ANO9: variants seen among roughly 807,000 people sequenced by gnomAD.
ANO9 encodes the protein anoctamin-9.
Under a neutral mutation model 100.5 loss-of-function variants are expected in ANO9, and 80 were observed. That is an observed-to-expected ratio of 0.80 (90% confidence interval 0.66 to 0.96). The LOEUF (loss-of-function observed/expected upper bound fraction) is 0.96, where lower values mean the gene tolerates loss of function less well. ANO9 is among the 40% of genes least tolerant of loss of function. ANO9 has a pLI of 0.00. For synonymous variants in ANO9, 473 were observed against 435.6 expected, an observed-to-expected ratio of 1.09 and a Z score of -1.07; for missense variants, 1,064 against 1,072.7, an observed-to-expected ratio of 0.99 and a Z score of 0.11.
chr11:419,094 G>A, intron 20 of ANO9, 105 bp from the exon 21 acceptor site: 1 of 1,563,452 alleles, frequency 6.4e-7, no homozygotes, highest in Non-Finnish European at 8.6e-7. Context: ...AGTGAGGTGG[G>A]GGCCACGCCA....
intron 1 of ANO9, among the ~76,000 whole-genome samples, chr11:435,117 T>C (rs1849349728): frequency 1.3e-5 from 2 of 152,164 alleles, no homozygotes; most frequent in African/African-American, 4.8e-5. Flanking sequence ...TAGGATAGCA[T>C]AGCATAGCAT....
intron 20 of ANO9, chr11:419,312 G>A (rs1001601585): frequency 3.0e-5 from 42 of 1,408,460 alleles, no homozygotes; most frequent in Non-Finnish European, 3.9e-5. Flanking sequence ...CATCGGGAGG[G>A]AGCCGTTCTG....
At position 433,905 on chromosome 11, in the gene ANO9, G is replaced by C. The variant is rs201993673; in HGVS notation, c.114C>G (p.Leu38=). ...TEASEQWDYV[L]VAQRHTQRDP... ...CTCTCTGGGTGTGACGTTGGGCCAC[G>C]AGGACATAGTCCCACTGCTCGGAGG... Residue 38 remains leucine, a synonymous_variant, in exon 3 of 23, where the codon CTC becomes CTG. Coordinates refer to ENST00000332826, the MANE Select transcript of ANO9 (RefSeq NM_001012302.3). 3 of 1,563,676 alleles carry C rather than the reference G, an allele frequency of 1.9e-6. No individual in the cohort carries two copies. Among genetic ancestry groups the C allele is most frequent in the East Asian group, 2.3e-5 (1 of 42,986 alleles).
chr11:437,893 C>T (rs1268469534), intron 1 of ANO9, among the ~76,000 whole-genome samples: 1 of 152,202 alleles, frequency 6.6e-6, no homozygotes, highest in African/African-American at 2.4e-5. Flanking sequence ...TTAGAGACCC[C>T]CTCACATCAG....
rs1286231196 is a variant in ANO9 at position 428,822 on chromosome 11, T to G, written c.920A>C (p.Glu307Ala). Residue 307 changes from glutamate (E) to alanine (A), a missense_variant, in exon 12 of 23, where the codon GAA becomes GCA. Coordinates refer to ENST00000332826, the MANE Select transcript of ANO9 (RefSeq NM_001012302.3). Reference protein sequence around the residue: ...DLYVWDEEQEEMALQLINCPD... With the variant: ...DLYVWDEEQEAMALQLINCPD... ...GCAGTTAATGAGCTGAAGTGCCATTTCCTCCTGGGGAGAGCACCGGGCAAG... is the reference window on the plus strand; with the variant it reads ...GCAGTTAATGAGCTGAAGTGCCATTGCCTCCTGGGGAGAGCACCGGGCAAG... 6.2e-7 allele frequency: 1 copy of G among 1,612,802 alleles called. No individual in the cohort carries two copies. The highest frequency in any genetic ancestry group is 1.3e-5 in the African/African-American group (1 of 74,866).
chr11:439,521 A>AGGAG (rs2133723080), intron 1 of ANO9, among the ~76,000 whole-genome samples: 1 of 84,946 alleles, frequency 1.2e-5, no homozygotes, highest in South Asian at 5.2e-4. Context: ...CATGAGAAGG[A>AGGAG]GCAGGCCTGG....
rs138865475 is a variant in ANO9, at chr11:419,605, C to T, written c.1911G>A (p.Leu637=). The change falls in exon 20 of 23, where the codon CTG becomes CTA. Residue 637 remains leucine (L), a synonymous_variant. Transcript: ENST00000332826. ...ACTCGACAGTAGAGTTGCCTTCTTT[C>T]AGGCATGGGCTATAGCGGTACTTGT... ...VVYKYRYSPC[L]KEGNSTVDCL... 3.0e-5 allele frequency: 48 copies of T among 1,613,462 alleles called. No homozygotes were observed. The Middle Eastern group carries it at 9.9e-4, about 33-fold the overall frequency.
chr11:433,325 C>T lies in ANO9; in HGVS notation c.339G>A (p.Pro113=), dbSNP rs374590303. The T allele has an allele frequency of 6.6e-5, 107 of 1,612,068 alleles. No individual in the cohort carries two copies. Among genetic ancestry groups the T allele is most frequent in the Middle Eastern group, 1.6e-4 (1 of 6,076 alleles). ...HAELAAPTTI[P]VTTSLRIRIV... is the part of the protein sequence containing the mutation. ...GTGCAGCCTCTCACCTCGTGGTGAC[C>T]GGGATGGTGGTCGGCGCGGCCAGCT... The change falls in exon 4 of 23, where the codon CCG becomes CCA. Residue 113 remains proline (P), a synonymous_variant. Coordinates refer to ENST00000332826, the MANE Select transcript of ANO9 (RefSeq NM_001012302.3).
intron 1 of ANO9, 41 bp from the exon 2 acceptor site, chr11:434,139 T>C (rs1022586686): frequency 1.9e-5 from 29 of 1,544,806 alleles, no homozygotes; most frequent in East Asian, 7.4e-5. Flanking sequence ...GAGGATGTGA[T>C]TGGGGGCTAG....
At chr11:428,959 C>T in intron 11 of ANO9, 133 bp from the exon 12 acceptor site, 3 of 795,266 alleles carry the variant, frequency 3.8e-6, no homozygotes, top group Non-Finnish European at 6.1e-6. Flanking sequence ...AGACACGGGA[C>T]ACGCACCCCA....
chr11:428,821 T>A lies in ANO9; in HGVS notation c.921A>T (p.Glu307Asp), dbSNP rs1299151612. ...GGCAGTTAATGAGCTGAAGTGCCAT[T>A]TCCTCCTGGGGAGAGCACCGGGCAA... ...DLYVWDEEQE[E>D]MALQLINCPD... The change falls in exon 12 of 23, where the codon GAA becomes GAT. Residue 307 changes from glutamate to aspartate, a missense_variant. Transcript: ENST00000332826. The A allele has an allele frequency of 3.1e-6, 5 of 1,612,890 alleles. No homozygotes were observed. The African/African-American group carries it at 5.3e-5, about 17-fold the overall frequency.
At chr11:420,281 A>G in intron 19 of ANO9, 182 bp downstream of exon 19, 3 of 1,429,158 alleles carry the variant, frequency 2.1e-6, no homozygotes, top group South Asian at 3.0e-5. Flanking sequence ...GGCCCCGCCC[A>G]CTCCTGGTAC....
chr11:438,391 C>A (rs60356623), intron 1 of ANO9, among the ~76,000 whole-genome samples: 36 of 122,688 alleles, frequency 2.9e-4, no homozygotes, highest in African/African-American at 6.1e-4. Context: ...GTAGCCCCCC[C>A]CCGACTCACA....
At chr11:426,312 G>A (rs1212730404) in intron 15 of ANO9, among the ~76,000 whole-genome samples, 1 of 152,068 alleles carries the variant, frequency 6.6e-6, no homozygotes, top group Non-Finnish European at 1.5e-5. Flanking sequence ...GCTCACACCT[G>A]TTATCCCGTA....
chr11:437,108 G>A (rs1031094825), intron 1 of ANO9, among the ~76,000 whole-genome samples: 19 of 149,134 alleles, frequency 1.3e-4, no homozygotes, highest in African/African-American at 2.8e-4. Context: ...GATCAGCGGC[G>A]GCATTAGATC....
At position 420,736 on chromosome 11, in the gene ANO9, C is replaced by T. The variant is rs775066944; in HGVS notation, c.1615G>A (p.Asp539Asn). 1.7e-5 allele frequency: 28 copies of T among 1,608,492 alleles called. No homozygotes were observed. In the Middle Eastern group the frequency reaches 1.6e-3, roughly 95 times the overall value. Residue 539 changes from aspartate to asparagine, a missense_variant, in exon 18 of 23, where the codon GAC becomes AAC. Asp to Asn is a conservative substitution (Grantham distance 23). Coordinates refer to ENST00000332826, the MANE Select transcript of ANO9 (RefSeq NM_001012302.3). ...CACGCACTCATCTCCATGAACTCGT[C>T]GAACAGGCTGAAGGTGTTGACCGGG... ...LNPVNTFSLF[D>N]EFMEMMIQYG...
At chr11:434,308 C>T (rs1213214855) in intron 1 of ANO9, among the ~76,000 whole-genome samples, 3 of 152,168 alleles carry the variant, frequency 2.0e-5, no homozygotes, top group East Asian at 1.9e-4. Context: ...GAAACAGAAG[C>T]GCGTGAGGGG....
chr11:420,429 A>C lies in ANO9; in HGVS notation c.1786+34T>G, dbSNP rs761380543. On this transcript the variant is annotated intron_variant, in intron 19 of 22. Coordinates refer to ENST00000332826, the MANE Select transcript of ANO9 (RefSeq NM_001012302.3). ...GAAGCCCACAGGCCTGAGGCCGCCC[A>C]GTTCCCGCCCATCCTGCGCCCGCCC... 7 of 1,594,328 alleles carry C rather than the reference A, an allele frequency of 4.4e-6. No individual in the cohort carries two copies. In the African/African-American group the frequency reaches 9.4e-5, roughly 21 times the overall value.
chr11:426,361 C>T (rs1250800881), intron 15 of ANO9, among the ~76,000 whole-genome samples: 1 of 151,800 alleles, frequency 6.6e-6, no homozygotes, highest in Non-Finnish European at 1.5e-5. Context: ...TGCTTGAGCC[C>T]AGGAGTTCGA....
Sources: gnomAD v4.1 joint callset for allele counts (sites outside exome capture counted in the v4.1 genomes callset) on GRCh38, gnomAD v4.1.1 for gene constraint, MANE v1.5 for transcripts, NCBI Gene and HGNC (gene_info 2026-07-23, HGNC 2026-07-21) for gene names.